Variants in TENM2 observed in about 807,000 individuals in gnomAD.
TENM2 encodes teneurin-2.
In TENM2, 52 loss-of-function variants were observed where a neutral mutation model predicts 245.2. The observed-to-expected ratio is 0.21, with a 90% CI of 0.17 to 0.27. The LOEUF (loss-of-function observed/expected upper bound fraction) is 0.27, where lower values mean the gene tolerates loss of function less well. TENM2 is among the 10% of genes least tolerant of loss of function. The probability of loss-of-function intolerance (pLI) is 1.00; values close to 1 mark genes in which losing one functional copy is unlikely to be tolerated. For missense variants in TENM2, 3,046 were observed against 3,666.8 expected (o/e 0.83, Z 4.37); for synonymous variants, 1,363 against 1,438.9 (o/e 0.95, Z 1.19).
intron 2 of TENM2, among the ~76,000 whole-genome samples, chr5:167,691,974 C>T (rs1757461721): frequency 6.6e-6 from 1 of 152,144 alleles, no homozygotes; most frequent in Admixed American, 6.5e-5. Context: ...TTTTTAGCAC[C>T]ATTTGCGGGA....
intron 2 of TENM2, among the ~76,000 whole-genome samples, chr5:167,719,648 A>G (rs1483948446): frequency 6.6e-6 from 1 of 152,260 alleles, no homozygotes; most frequent in Non-Finnish European, 1.5e-5. Context: ...AATATTGGCA[A>G]TAAAGTACAT....
chr5:168,019,486 G>A (rs757103369), intron 5 of TENM2, among the ~76,000 whole-genome samples: 103 of 152,288 alleles, frequency 6.8e-4, no homozygotes, highest in Admixed American at 2.1e-3. Context: ...CATCATAGAG[G>A]TTGAATGTCC....
At chr5:167,874,891 G>A (rs1021653836) in intron 2 of TENM2, among the ~76,000 whole-genome samples, 6 of 152,148 alleles carry the variant, frequency 3.9e-5, no homozygotes, top group Non-Finnish European at 7.4e-5. Context: ...TTCTTTGTCC[G>A]AAAACCACAG....
intron 2 of TENM2, among the ~76,000 whole-genome samples, chr5:167,745,157 G>A (rs1761470733): frequency 6.6e-6 from 1 of 152,182 alleles, no homozygotes; most frequent in African/African-American, 2.4e-5. Context: ...GGAAAGTAGG[G>A]CTAAAACGCA....
At chr5:168,162,211 C>A (rs531506952) in intron 12 of TENM2, among the ~76,000 whole-genome samples, 3 of 152,144 alleles carry the variant, frequency 2.0e-5, no homozygotes, top group Non-Finnish European at 4.4e-5. Flanking sequence ...AATTTTTTCT[C>A]TTCTACAGAA....
At chr5:167,020,367 T>C in the TENM2 span, among the ~76,000 whole-genome samples, 5 of 152,252 alleles carry the variant, frequency 3.3e-5, no homozygotes, top group East Asian at 5.8e-4. Context: ...TCCTCCTCTC[T>C]AATTTTACAG....
At chr5:167,224,585 C>T in the TENM2 span, among the ~76,000 whole-genome samples, 2 of 152,040 alleles carry the variant, frequency 1.3e-5, no homozygotes, top group Middle Eastern at 3.2e-3. Flanking sequence ...GTTTTGTTTA[C>T]TATAGCCTTG....
intron 2 of TENM2, among the ~76,000 whole-genome samples, chr5:167,655,548 C>A (rs1263657993): frequency 6.6e-6 from 1 of 152,176 alleles, no homozygotes; most frequent in Non-Finnish European, 1.5e-5. Context: ...GGGCCAATTG[C>A]CAACTTGTGT....
intron 2 of TENM2, among the ~76,000 whole-genome samples, chr5:167,433,564 A>G (rs1764370735): frequency 6.6e-6 from 1 of 152,110 alleles, no homozygotes; most frequent in South Asian, 2.1e-4. Context: ...AATTTAAAGG[A>G]TATATATTTC....
At chr5:167,441,620 GA>G (rs1384633025) in intron 2 of TENM2, among the ~76,000 whole-genome samples, 1 of 152,172 alleles carries the variant, frequency 6.6e-6, no homozygotes. Flanking sequence ...TTCATCTGCA[GA>G]TAAGTTGCTG....
intron 12 of TENM2, among the ~76,000 whole-genome samples, chr5:168,154,159 A>AAAAAC (rs1202718117): frequency 7.4e-5 from 11 of 148,056 alleles, no homozygotes; most frequent in African/African-American, 2.2e-4. Context: ...AAAAAAAAAA[A>AAAAAC]AAAAAAACAG....
intron 2 of TENM2, among the ~76,000 whole-genome samples, chr5:167,739,660 A>C (rs2150585846): frequency 6.6e-6 from 1 of 152,326 alleles, no homozygotes; most frequent in East Asian, 1.9e-4. Flanking sequence ...GGAAGCAGTA[A>C]GGACCATGAA....
At chr5:167,884,515 G>T (rs1239397343) in intron 3 of TENM2, among the ~76,000 whole-genome samples, 2 of 152,162 alleles carry the variant, frequency 1.3e-5, no homozygotes, top group Non-Finnish European at 2.9e-5. Context: ...TTTTGTGATG[G>T]ATTTATTTCA....
At chr5:167,243,229 A>G in the TENM2 span, among the ~76,000 whole-genome samples, 1 of 152,082 alleles carries the variant, frequency 6.6e-6, no homozygotes, top group Non-Finnish European at 1.5e-5. Flanking sequence ...AAGGTAGTTA[A>G]ATTTCTGGGA....
At chr5:167,047,882 T>A in the TENM2 span, among the ~76,000 whole-genome samples, 1 of 152,132 alleles carries the variant, frequency 6.6e-6, no homozygotes, top group Non-Finnish European at 1.5e-5. Context: ...TTGAAATGAT[T>A]TACACACACT....
intron 2 of TENM2, among the ~76,000 whole-genome samples, chr5:167,753,691 A>T (rs1441280557): frequency 6.6e-6 from 1 of 152,206 alleles, no homozygotes; most frequent in Non-Finnish European, 1.5e-5. Context: ...ATTTGAACTC[A>T]TGAATGTCCT....
chr5:167,256,485 C>T, the TENM2 span, among the ~76,000 whole-genome samples: 1 of 152,130 alleles, frequency 6.6e-6, no homozygotes, highest in Admixed American at 6.6e-5. Context: ...TTCATCTTTT[C>T]ATTTTTACTA....
At chr5:167,974,605 C>T (rs572894518) in intron 4 of TENM2, among the ~76,000 whole-genome samples, 7 of 152,284 alleles carry the variant, frequency 4.6e-5, no homozygotes, top group East Asian at 1.9e-4. Flanking sequence ...ATTTAATAGA[C>T]ACAATATTCC....
chr5:168,127,458 C>A (rs1795939109), intron 12 of TENM2, among the ~76,000 whole-genome samples: 1 of 152,192 alleles, frequency 6.6e-6, no homozygotes. Context: ...ATCACCACCA[C>A]CGTCATTACA....
Sources: gnomAD v4.1 joint callset for allele counts (sites outside exome capture counted in the v4.1 genomes callset) on GRCh38, gnomAD v4.1.1 for gene constraint, MANE v1.5 for transcripts, NCBI Gene and HGNC (gene_info 2026-07-23, HGNC 2026-07-21) for gene names.